The following AKAP10 variants were observed in gnomAD, a reference collection of about 807,000 sequenced individuals.
The protein encoded by AKAP10 is A-kinase anchor protein 10, mitochondrial.
AKAP10 carries 24 observed loss-of-function variants against 80.8 expected under a neutral mutation model. That is an observed-to-expected ratio of 0.30 (90% CI 0.22 to 0.42). The LOEUF (loss-of-function observed/expected upper bound fraction) is 0.42, where lower values mean the gene tolerates loss of function less well. Ranked by LOEUF, AKAP10 falls within the 10% of genes least tolerant of loss-of-function variation. The pLI is 1.00. For synonymous variants in AKAP10, 291 were observed against 277.7 expected, an observed-to-expected ratio of 1.05 and a Z score of -0.48; for missense variants, 661 against 794.9, an observed-to-expected ratio of 0.83 and a Z score of 2.03.
Position 19,962,877 on chromosome 17 carries a change from C to G in AKAP10, c.282G>C (p.Gln94His), listed in dbSNP as rs2043369969. The G allele has an allele frequency of 1.2e-6, 2 of 1,613,962 alleles. No individual in the cohort carries two copies. The highest frequency in any genetic ancestry group is 2.7e-5 in the African/African-American group (2 of 74,914). The change falls in exon 3 of 15, where the codon CAG (glutamine) becomes CAC (histidine). Residue 94 changes from glutamine to histidine, a missense_variant. Physicochemically the swap from Gln to His is conservative, Grantham distance 24. Transcript: ENST00000225737. ...AATGAGCGGCCTCCATGTGGCTTGG[C>G]TGCTTCTTAAGTGTGGCTGTCCTGC... The part of the protein sequence containing the change: ...SSSRTATLKK[Q>H]PSHMEAAHFG...
intron 10 of AKAP10, among the ~76,000 whole-genome samples, chr17:19,926,781 T>C (rs1220037971): frequency 1.3e-5 from 2 of 152,192 alleles, no homozygotes; most frequent in Non-Finnish European, 2.9e-5. Context: ...CATAAATACA[T>C]GAAGATACAT....
rs753285970 is a variant in AKAP10, at chr17:19,939,590, G to C, written c.1322+123C>G. On this transcript the variant is annotated intron_variant, in intron 8 of 14. Coordinates refer to ENST00000225737, the MANE Select transcript of AKAP10 (RefSeq NM_007202.4). The stretch of plus-strand genomic sequence containing the variant: ...GCTTTACAAACACCATATAAAAGCA[G>C]CTTTTATGCTGCCTCCTGTGAGCTC... 2.2e-5 allele frequency: 25 copies of C among 1,136,710 alleles called. No homozygotes were observed. Among genetic ancestry groups the C allele is most frequent in the Non-Finnish European group, 2.9e-5 (24 of 821,138 alleles). The allele number at this position is 1,136,710 out of a possible 1,614,324, so 70.4% of individuals were successfully genotyped here.
At chr17:19,936,975 G>A (rs922837427) in intron 8 of AKAP10, among the ~76,000 whole-genome samples, 6 of 152,096 alleles carry the variant, frequency 3.9e-5, no homozygotes, top group Non-Finnish European at 7.4e-5. Flanking sequence ...AGGACTTACT[G>A]ATGACTCGGT....
In AKAP10 at chr17:19,962,989, G is replaced by C; in HGVS notation, c.170C>G (p.Thr57Ser). The change falls in exon 3 of 15, where the codon ACT (threonine) becomes AGT (serine). Residue 57 changes from threonine (T) to serine (S), a missense_variant. Transcript: ENST00000225737. ...SISVHSPQKS[T>S]KNHALLEAAG... Reference sequence around the variant, plus strand: ...AGCCTCCAGCAAGGCATGATTTTTAGTGCTTTTTTGTGGGGAATGTACGGA... The same window carrying C: ...AGCCTCCAGCAAGGCATGATTTTTACTGCTTTTTTGTGGGGAATGTACGGA... The C allele has an allele frequency of 6.2e-7, 1 of 1,612,982 alleles. No homozygotes were observed.
intron 7 of AKAP10, 123 bp downstream of exon 7, chr17:19,940,764 A>C (rs2043043170): frequency 8.6e-7 from 1 of 1,158,328 alleles, no homozygotes. Flanking sequence ...AACTTGAAAC[A>C]ATGATACATC....
intron 3 of AKAP10, among the ~76,000 whole-genome samples, chr17:19,961,032 A>G (rs1399071947): frequency 6.8e-6 from 1 of 147,078 alleles, no homozygotes; most frequent in African/African-American, 2.6e-5. Context: ...AAATAAACAA[A>G]CAAACAAACA....
At chr17:19,968,948 A>T (rs1273305682) in intron 1 of AKAP10, among the ~76,000 whole-genome samples, 1 of 152,234 alleles carries the variant, frequency 6.6e-6, no homozygotes, top group Non-Finnish European at 1.5e-5. Context: ...AGCTACTAGA[A>T]GCATAGTGAA....
At chr17:19,971,355 G>T (rs1370927171) in intron 1 of AKAP10, among the ~76,000 whole-genome samples, 1 of 151,264 alleles carries the variant, frequency 6.6e-6, no homozygotes, top group Non-Finnish European at 1.5e-5. Context: ...CTAAAAATAG[G>T]AAAATGAGCT....
chr17:19,937,392 C>T (rs949728088), intron 8 of AKAP10, among the ~76,000 whole-genome samples: 6 of 152,170 alleles, frequency 3.9e-5, no homozygotes, highest in Non-Finnish European at 8.8e-5. Flanking sequence ...ATCCCAGCTA[C>T]TCAGGAGGCT....
chr17:19,962,295 TAC>T (rs36115670), intron 3 of AKAP10, among the ~76,000 whole-genome samples: 30,820 of 124,550 alleles, frequency 0.25, 3,311 homozygotes, highest in Middle Eastern at 0.3. Flanking sequence ...TACATACATA[TAC>T]ACACACACAC....
In AKAP10 at chr17:19,962,291, CAT is replaced by C. The variant is rs747097698; in HGVS notation, c.319+547_319+548del. Among the ~76,000 whole-genome samples, 480 of 103,112 alleles carry C rather than the reference CAT, an allele frequency of 4.7e-3. 1 individual carries two copies. Among genetic ancestry groups the C allele is most frequent in the African/African-American group, 0.013 (373 of 28,200 alleles). The allele number at this position is 103,112 out of a possible 152,430, so 67.6% of individuals were successfully genotyped here. On this transcript the variant is annotated intron_variant, in intron 3 of 14. Transcript: ENST00000225737. ...ACATACATACATACATACATACATA[CAT>C]ATACACACACACACACACACACACA...
intron 2 of AKAP10, 120 bp from the exon 3 acceptor site, chr17:19,963,142 T>C: frequency 1.3e-6 from 1 of 751,548 alleles, no homozygotes; most frequent in Admixed American, 3.5e-5. Context: ...TAAGTCAGCA[T>C]ACTCAGCAAA....
intron 10 of AKAP10, among the ~76,000 whole-genome samples, chr17:19,927,254 G>A (rs1017816625): frequency 6.6e-6 from 1 of 151,902 alleles, no homozygotes; most frequent in East Asian, 1.9e-4. Context: ...GGATCACTTC[G>A]GCCCAGGAAG....
At chr17:19,967,339 A>G (rs950606814) in intron 2 of AKAP10, among the ~76,000 whole-genome samples, 5 of 152,242 alleles carry the variant, frequency 3.3e-5, no homozygotes, top group Non-Finnish European at 5.9e-5. Context: ...AAGGTTGTTC[A>G]TTCAAATAAA....
rs2043309817 is a variant in AKAP10, at chr17:19,958,505, A to G, written c.386T>C (p.Val129Ala). The G allele has an allele frequency of 1.9e-6, 3 of 1,612,536 alleles. No individual in the cohort carries two copies. The highest frequency in any genetic ancestry group is 2.5e-6 in the Non-Finnish European group (3 of 1,180,014). The part of the protein sequence containing the change: ...KSSLSKTLEQ[V>A]LHDTIVLPYF... ...AGGGAGGACAATAGTGTCGTGCAAGACTTGTTCAAGGGTCTTAGAAAGGCT... is the reference window on the plus strand; with the variant it reads ...AGGGAGGACAATAGTGTCGTGCAAGGCTTGTTCAAGGGTCTTAGAAAGGCT... Residue 129 changes from valine (V) to alanine (A), a missense_variant, in exon 4 of 15, where the codon GTC becomes GCC. Val to Ala is a moderately conservative substitution (Grantham distance 64, BLOSUM62 0). Coordinates refer to ENST00000225737, the MANE Select transcript of AKAP10 (RefSeq NM_007202.4).
intron 10 of AKAP10, among the ~76,000 whole-genome samples, chr17:19,926,120 C>T (rs1167294218): frequency 1.3e-5 from 2 of 152,044 alleles, no homozygotes; most frequent in Non-Finnish European, 2.9e-5. Context: ...AGATTATACA[C>T]CATGACCAAG....
intron 12 of AKAP10, among the ~76,000 whole-genome samples, chr17:19,912,415 T>C (rs1175504949): frequency 1.3e-5 from 2 of 152,166 alleles, no homozygotes; most frequent in Non-Finnish European, 2.9e-5. Flanking sequence ...CACGTACCTG[T>C]AGTCCCAGCT....
intron 11 of AKAP10, among the ~76,000 whole-genome samples, chr17:19,921,039 C>G (rs1464680289): frequency 6.7e-6 from 1 of 148,354 alleles, no homozygotes; most frequent in East Asian, 2.0e-4. Flanking sequence ...AATCACCCAA[C>G]AGAAATAATG....
chr17:19,972,346 C>T (rs1276195833), intron 1 of AKAP10, among the ~76,000 whole-genome samples: 1 of 152,140 alleles, frequency 6.6e-6, no homozygotes. Context: ...TGTCCCTTGT[C>T]TTTTACTTAT....
Sources: allele counts gnomAD v4.1 joint callset (sites outside exome capture counted in the v4.1 genomes callset), GRCh38; gene constraint gnomAD v4.1.1; transcripts MANE v1.5; gene names NCBI Gene and HGNC (gene_info 2026-07-23, HGNC 2026-07-21).